AGBL1: variants seen among roughly 807,000 people sequenced by gnomAD.
AGBL1 encodes the protein cytosolic carboxypeptidase 4.
AGBL1 carries 130 observed loss-of-function variants against 118.9 expected under a neutral mutation model. That is an observed-to-expected ratio of 1.09 (90% CI 0.95 to 1.26). The LOEUF is 1.26. AGBL1 is among the 50% of genes most tolerant of loss of function. The pLI, the probability that AGBL1 is intolerant of heterozygous loss-of-function variation, is 0.00. For missense variants in AGBL1, 1,584 were observed against 1,298.1 expected (o/e 1.22, Z -3.38); for synonymous variants, 555 against 478.9 (o/e 1.16, Z -2.08).
At chr15:86,526,624 T>A (rs1354203278) in intron 19 of AGBL1, among the ~76,000 whole-genome samples, 2 of 146,278 alleles carry the variant, frequency 1.4e-5, no homozygotes, top group East Asian at 2.0e-4. Context: ...AAATACACAG[T>A]ATATATATAT....
intron 5 of AGBL1, among the ~76,000 whole-genome samples, chr15:86,177,417 T>C (rs549274025): frequency 9.9e-5 from 15 of 152,180 alleles, no homozygotes; most frequent in Non-Finnish European, 1.6e-4. Flanking sequence ...AGAATATAGA[T>C]GATTTAAATA....
intron 22 of AGBL1, among the ~76,000 whole-genome samples, chr15:86,715,097 A>T (rs528176040): frequency 6.6e-6 from 1 of 152,236 alleles, no homozygotes; most frequent in African/African-American, 2.4e-5. Flanking sequence ...TGCTTTTAGG[A>T]AGGGGAGATG....
chr15:86,210,367 G>T (rs891290165), intron 5 of AGBL1, among the ~76,000 whole-genome samples: 54 of 152,304 alleles, frequency 3.5e-4, no homozygotes, highest in African/African-American at 1.2e-3. Flanking sequence ...GGCCTCCCTT[G>T]CTAGGTTGGG....
At chr15:86,956,785 G>A (rs1483023573) in intron 23 of AGBL1, among the ~76,000 whole-genome samples, 1 of 152,004 alleles carries the variant, frequency 6.6e-6, no homozygotes, top group Non-Finnish European at 1.5e-5. Flanking sequence ...ATTTAGCAAT[G>A]AGAAGTAAAG....
chr15:86,419,480 C>G (rs2081754397), intron 18 of AGBL1, among the ~76,000 whole-genome samples: 1 of 152,236 alleles, frequency 6.6e-6, no homozygotes, highest in Admixed American at 6.5e-5. Flanking sequence ...AGGAGAATCC[C>G]TTGGGTGCCT....
intron 1 of AGBL1, among the ~76,000 whole-genome samples, chr15:86,119,655 TTGTGTGTGTG>T (rs59997626): frequency 0.12 from 18,139 of 148,630 alleles, 1,177 homozygotes; most frequent in Middle Eastern, 0.22. Flanking sequence ...GAAAAGTAGT[TTGTGTGTGTG>T]TGTGTGTGTG....
intron 21 of AGBL1, among the ~76,000 whole-genome samples, chr15:86,618,918 T>C (rs1375288139): frequency 4.6e-5 from 7 of 152,134 alleles, no homozygotes; most frequent in Admixed American, 2.6e-4. Context: ...CTGCTCCTAC[T>C]TTGTAGTTGC....
At chr15:86,318,696 AT>A (rs57988335) in intron 17 of AGBL1, among the ~76,000 whole-genome samples, 6,065 of 81,868 alleles carry the variant, frequency 0.074, 146 homozygotes, top group African/African-American at 0.19. Context: ...TTGATCATAG[AT>A]TTTTTTTTTT....
At chr15:86,679,765 A>G (rs2085918972) in intron 22 of AGBL1, among the ~76,000 whole-genome samples, 1 of 152,182 alleles carries the variant, frequency 6.6e-6, no homozygotes, top group South Asian at 2.1e-4. Flanking sequence ...TCCAGATTAG[A>G]TGATTAATTT....
chr15:86,382,061 G>C (rs1283699907), intron 17 of AGBL1, among the ~76,000 whole-genome samples: 2 of 152,160 alleles, frequency 1.3e-5, no homozygotes, highest in African/African-American at 2.4e-5. Flanking sequence ...TAGATGTCTT[G>C]TGGGACTCCC....
intron 17 of AGBL1, among the ~76,000 whole-genome samples, chr15:86,351,395 T>G (rs2080624284): frequency 1.3e-5 from 2 of 152,080 alleles, no homozygotes; most frequent in Non-Finnish European, 2.9e-5. Flanking sequence ...TAAATATGGG[T>G]TTGGAGGGGA....
At chr15:86,736,636 A>G (rs538858445) in intron 22 of AGBL1, among the ~76,000 whole-genome samples, 1 of 152,282 alleles carries the variant, frequency 6.6e-6, no homozygotes, top group South Asian at 2.1e-4. Flanking sequence ...TTGTGAAACA[A>G]TTTGGCTCTT....
chr15:86,271,254 G>T (rs2079157207), intron 14 of AGBL1, among the ~76,000 whole-genome samples: 1 of 151,648 alleles, frequency 6.6e-6, no homozygotes, highest in Non-Finnish European at 1.5e-5. Flanking sequence ...AGTAGAGATG[G>T]AGTTTCACCA....
chr15:86,203,735 C>T (rs1230962598), intron 5 of AGBL1, among the ~76,000 whole-genome samples: 1 of 152,140 alleles, frequency 6.6e-6, no homozygotes, highest in Non-Finnish European at 1.5e-5. Context: ...CTTGCCATTA[C>T]CTCCATTGTT....
chr15:86,275,415 C>T (rs911533128), intron 15 of AGBL1, among the ~76,000 whole-genome samples: 1 of 152,142 alleles, frequency 6.6e-6, no homozygotes, highest in East Asian at 1.9e-4. Context: ...CACTGCTCTG[C>T]CTTATTAGAT....
At chr15:86,900,716 T>A (rs941098235) in intron 22 of AGBL1, among the ~76,000 whole-genome samples, 1 of 152,060 alleles carries the variant, frequency 6.6e-6, no homozygotes, top group African/African-American at 2.4e-5. Flanking sequence ...CTTCCTGGTA[T>A]ACAAAATAAA....
intron 21 of AGBL1, among the ~76,000 whole-genome samples, chr15:86,657,456 C>T (rs941266075): frequency 1.3e-5 from 2 of 152,126 alleles, no homozygotes; most frequent in African/African-American, 4.8e-5. Flanking sequence ...GTGGGTAAAG[C>T]TATTAGATGC....
chr15:86,232,510 T>C (rs1302887018), intron 6 of AGBL1, among the ~76,000 whole-genome samples: 1 of 152,192 alleles, frequency 6.6e-6, no homozygotes, highest in Non-Finnish European at 1.5e-5. Flanking sequence ...GGAAATTAGC[T>C]GAAGATGGTC....
chr15:86,625,368 T>TTTTTTTTC (rs2084868686), intron 21 of AGBL1, among the ~76,000 whole-genome samples: 1 of 95,056 alleles, frequency 1.1e-5, no homozygotes, highest in Non-Finnish European at 2.0e-5. Context: ...AATTAGCGTT[T>TTTTTTTTC]TTTTTTTTTT....
Sources: allele counts gnomAD v4.1 joint callset (sites outside exome capture counted in the v4.1 genomes callset), GRCh38; gene constraint gnomAD v4.1.1; transcripts MANE v1.5; gene names NCBI Gene and HGNC (gene_info 2026-07-23, HGNC 2026-07-21).